The following ZFPM2 variants were observed in gnomAD, a reference collection of about 807,000 sequenced individuals.
ZFPM2 encodes zinc finger protein ZFPM2.
A neutral mutation model predicts 98.6 loss-of-function variants in ZFPM2; 20 were observed. That is an observed-to-expected ratio of 0.20 (90% confidence interval 0.14 to 0.29). The LOEUF (loss-of-function observed/expected upper bound fraction) is 0.29. Among genes scored for constraint, ZFPM2 ranks in the 10% least tolerant of loss-of-function variants. The pLI, the probability that ZFPM2 is intolerant of heterozygous loss-of-function variation, is 1.00. For missense variants in ZFPM2, 1,310 were observed against 1,388.6 expected (o/e 0.94, Z 0.90); for synonymous variants, 518 against 502.7 (o/e 1.03, Z -0.41).
chr8:105,412,170 A>AT (rs1563646799), intron 1 of ZFPM2, among the ~76,000 whole-genome samples: 2 of 151,708 alleles, frequency 1.3e-5, no homozygotes, highest in Admixed American at 6.6e-5. Flanking sequence ...TAAAGAGTAC[A>AT]TTTTTTCTCC....
chr8:105,334,386 T>C (rs1812288900), intron 1 of ZFPM2, among the ~76,000 whole-genome samples: 1 of 151,668 alleles, frequency 6.6e-6, no homozygotes, highest in Admixed American at 6.6e-5. Context: ...TCTATAGTTA[T>C]CATTCAGTTT....
intron 2 of ZFPM2, among the ~76,000 whole-genome samples, chr8:105,432,102 A>G (rs1482520845): frequency 3.3e-5 from 5 of 152,066 alleles, no homozygotes; most frequent in Non-Finnish European, 7.4e-5. Context: ...ACCAGGAAGG[A>G]CAATGATCAT....
At chr8:105,560,842 A>T (rs888084169) in intron 3 of ZFPM2, among the ~76,000 whole-genome samples, 3 of 151,990 alleles carry the variant, frequency 2.0e-5, no homozygotes, top group African/African-American at 7.2e-5. Context: ...ACAAGTAAAA[A>T]CTCCGTCTAA....
At chr8:105,567,292 C>A (rs892415588) in intron 4 of ZFPM2, among the ~76,000 whole-genome samples, 1 of 152,106 alleles carries the variant, frequency 6.6e-6, no homozygotes, top group African/African-American at 2.4e-5. Flanking sequence ...TTTTTTCCAG[C>A]GTTAAGAGCA....
At chr8:105,652,433 A>G (rs1376336484) in intron 5 of ZFPM2, among the ~76,000 whole-genome samples, 1 of 151,286 alleles carries the variant, frequency 6.6e-6, no homozygotes, top group African/African-American at 2.4e-5. Context: ...ATAGTATACC[A>G]TGGTGTTGCA....
In ZFPM2 at chr8:105,376,762, A is replaced by G. The variant is rs377694087; in HGVS notation, c.41-42382A>G. Among the ~76,000 whole-genome samples the G allele has an allele frequency of 5.3e-5, 8 of 152,332 alleles. No homozygotes were observed. In the East Asian group the frequency reaches 5.8e-4, roughly 11 times the overall value. ...ATCTATTTCTGTCCAGTTTTAGTAC[A>G]GATCATCATCTTCTCTTGCCCAGAT... On this transcript the variant is annotated intron_variant, in intron 1 of 7. Coordinates refer to ENST00000407775, the MANE Select transcript of ZFPM2 (RefSeq NM_012082.4).
At chr8:105,674,583 A>G (rs1412206676) in intron 5 of ZFPM2, among the ~76,000 whole-genome samples, 1 of 152,178 alleles carries the variant, frequency 6.6e-6, no homozygotes, top group Non-Finnish European at 1.5e-5. Flanking sequence ...TATTTTTAAA[A>G]GGCATTCCCT....
intron 5 of ZFPM2, among the ~76,000 whole-genome samples, chr8:105,645,784 T>G (rs937429131): frequency 6.6e-6 from 1 of 152,120 alleles, no homozygotes; most frequent in Non-Finnish European, 1.5e-5. Flanking sequence ...CCGGGCATGG[T>G]GGCTTATGCC....
At position 105,419,125 on chromosome 8, in the gene ZFPM2, T is replaced by C. The variant is rs764321174; in HGVS notation, c.41-19T>C. 2 of 1,606,570 alleles carry C rather than the reference T, an allele frequency of 1.2e-6. No homozygotes were observed. Among genetic ancestry groups the C allele is most frequent in the East Asian group, 4.5e-5 (2 of 44,816 alleles). On this transcript the variant is annotated intron_variant, in intron 1 of 7. Transcript: ENST00000407775. ...TTCCTTGCATATTTTTGGTACAGTT[T>C]CCCTGATTCTTTTTCAAGGGCCGCT...
At chr8:105,530,854 C>A (rs998554501) in intron 3 of ZFPM2, among the ~76,000 whole-genome samples, 4 of 152,040 alleles carry the variant, frequency 2.6e-5, no homozygotes, top group Non-Finnish European at 4.4e-5. Flanking sequence ...GTGAGCTCTA[C>A]AATGTAAGGT....
chr8:105,632,567 C>T (rs1006297126), intron 4 of ZFPM2, among the ~76,000 whole-genome samples: 30 of 152,108 alleles, frequency 2.0e-4, no homozygotes, highest in African/African-American at 6.0e-4. Flanking sequence ...ATTTGGATCA[C>T]TATCATTTCA....
At chr8:105,549,137 T>TC (rs1309125417) in intron 3 of ZFPM2, among the ~76,000 whole-genome samples, 1 of 152,098 alleles carries the variant, frequency 6.6e-6, no homozygotes, top group African/African-American at 2.4e-5. Flanking sequence ...TTTCCTTCCT[T>TC]CATTTCCTCC....
intron 3 of ZFPM2, among the ~76,000 whole-genome samples, chr8:105,498,834 C>T (rs1210892088): frequency 1.3e-5 from 2 of 152,122 alleles, no homozygotes; most frequent in African/African-American, 2.4e-5. Flanking sequence ...TGTGCAAATG[C>T]ATTTAGACTT....
chr8:105,521,171 A>G (rs1192448622), intron 3 of ZFPM2, among the ~76,000 whole-genome samples: 1 of 151,930 alleles, frequency 6.6e-6, no homozygotes, highest in Non-Finnish European at 1.5e-5. Flanking sequence ...ACACGCATGC[A>G]CACACATGCA....
At chr8:105,446,206 TA>T (rs1159241952) in intron 3 of ZFPM2, among the ~76,000 whole-genome samples, 2 of 152,142 alleles carry the variant, frequency 1.3e-5, no homozygotes, top group African/African-American at 4.8e-5. Flanking sequence ...AGGCGTGAGC[TA>T]CCGTGCCCGG....
intron 1 of ZFPM2, among the ~76,000 whole-genome samples, chr8:105,417,592 A>C (rs2130071370): frequency 6.6e-6 from 1 of 152,232 alleles, no homozygotes; most frequent in African/African-American, 2.4e-5. Context: ...TGGTTTAAGG[A>C]TTGTAATATT....
chr8:105,780,935 T>C (rs1261791817), intron 5 of ZFPM2, among the ~76,000 whole-genome samples: 1 of 152,226 alleles, frequency 6.6e-6, no homozygotes, highest in Non-Finnish European at 1.5e-5. Flanking sequence ...AATGGACGTC[T>C]TCTCTACTGA....
intron 5 of ZFPM2, among the ~76,000 whole-genome samples, chr8:105,662,195 A>G (rs565264639): frequency 1.3e-5 from 2 of 152,136 alleles, no homozygotes; most frequent in Non-Finnish European, 2.9e-5. Context: ...CCACTGATGC[A>G]GGAGGAAGGA....
intron 3 of ZFPM2, among the ~76,000 whole-genome samples, chr8:105,533,748 T>G (rs1164654627): frequency 1.1e-5 from 1 of 95,158 alleles, no homozygotes; most frequent in African/African-American, 4.1e-5. Context: ...CTTCCTTCCT[T>G]TCTTCCTACC....
Sources: allele counts gnomAD v4.1 joint callset (sites outside exome capture counted in the v4.1 genomes callset), GRCh38; gene constraint gnomAD v4.1.1; transcripts MANE v1.5; gene names NCBI Gene and HGNC (gene_info 2026-07-23, HGNC 2026-07-21).